The following CAPNS1 variants were observed in gnomAD, a reference collection of about 807,000 sequenced individuals.
CAPNS1 encodes the protein calpain small subunit 1, also known as CANP small subunit.
In CAPNS1, 32 loss-of-function variants were observed where a neutral mutation model predicts 39.2. The observed-to-expected ratio is 0.82, with a 90% CI of 0.62 to 1.10. The LOEUF is 1.10. Among genes scored for constraint, CAPNS1 ranks in the 50% least tolerant of loss-of-function variants. The pLI, the probability that CAPNS1 is intolerant of heterozygous loss-of-function variation, is 0.00. For synonymous variants in CAPNS1, 153 were observed against 136.2 expected, an observed-to-expected ratio of 1.12 and a Z score of -0.86; for missense variants, 353 against 373.1, an observed-to-expected ratio of 0.95 and a Z score of 0.44.
intron 9 of CAPNS1, among the ~76,000 whole-genome samples, chr19:36,148,598 G>A (rs1266215045): frequency 6.6e-6 from 1 of 150,596 alleles, no homozygotes; most frequent in African/African-American, 2.4e-5. Context: ...ATCACCTGAT[G>A]TCAGGAGTTT....
Position 36,141,150 on chromosome 19 carries a change from G to A in CAPNS1, c.139G>A (p.Gly47Ser). 7.2e-7 allele frequency: 1 copy of A among 1,393,862 alleles called. No individual in the cohort carries two copies. The highest frequency in any genetic ancestry group is 9.3e-7 in the Non-Finnish European group (1 of 1,077,462). The allele number at this position is 1,393,862 out of a possible 1,614,324, so 86.3% of individuals were successfully genotyped here. A position where few individuals can be genotyped will look rare whatever the true frequency, so the allele number is the denominator to read the frequency against. Reference sequence around the variant, plus strand: ...CGGCGGCGGCGGCGGCGGCGGCGGCGGCGGTGGTGGAGGCGGCGGTGGCGG... The same window carrying A: ...CGGCGGCGGCGGCGGCGGCGGCGGCAGCGGTGGTGGAGGCGGCGGTGGCGG... Reference protein sequence around the residue: ...GGGGGGGGGGGGGGGGGGGGT... With the variant: ...GGGGGGGGGGSGGGGGGGGGT... The change falls in exon 2 of 11, where the codon GGC becomes AGC. Residue 47 changes from glycine to serine, a missense_variant. Physicochemically the swap from Gly to Ser is moderately conservative, Grantham distance 56. Transcript: ENST00000246533.
chr19:36,150,112 C>T lies in CAPNS1; in HGVS notation c.*273C>T, dbSNP rs1974725792. 5.4e-6 allele frequency: 2 copies of T among 367,740 alleles called. No individual in the cohort carries two copies. The highest frequency in any genetic ancestry group is 8.1e-5 in the East Asian group (2 of 24,598). The allele number at this position is 367,740 out of a possible 1,614,324, so 22.8% of individuals were successfully genotyped here. ...GCCCTGCACACACCCACTCCGTAAC[C>T]TCTCCCCTGTACCTGTGCCAAGCCT... is the stretch of plus-strand genomic sequence containing the variant. On this transcript the variant is annotated 3_prime_UTR_variant, in exon 11 of 11. Coordinates refer to ENST00000246533, the MANE Select transcript of CAPNS1 (RefSeq NM_001749.4).
intron 2 of CAPNS1, chr19:36,141,570 G>T: frequency 8.9e-7 from 1 of 1,127,638 alleles, no homozygotes; most frequent in Non-Finnish European, 1.1e-6. Flanking sequence ...TAAAGGTGCG[G>T]AGCCAATGCG....
At position 36,141,212 on chromosome 19, in the gene CAPNS1, C is replaced by G. The variant is rs942843916; in HGVS notation, c.201C>G (p.Ser67Arg). 2.7e-6 allele frequency: 4 copies of G among 1,499,676 alleles called. No homozygotes were observed. In the African/African-American group the frequency reaches 5.8e-5, roughly 22 times the overall value. The allele number at this position is 1,499,676 out of a possible 1,614,324, so 92.9% of individuals were successfully genotyped here. A position where few individuals can be genotyped will look rare whatever the true frequency, so the allele number is the denominator to read the frequency against. The change falls in exon 2 of 11, where the codon AGC becomes AGG. Residue 67 changes from serine (S) to arginine (R), a missense_variant. By Grantham distance (110) the Ser-to-Arg change is moderately radical (BLOSUM62 -1). Coordinates refer to ENST00000246533, the MANE Select transcript of CAPNS1 (RefSeq NM_001749.4). Reference protein sequence around the residue: ...TAMRILGGVISAISEAAAQYN... With the variant: ...TAMRILGGVIRAISEAAAQYN... ...TGCGCATCCTAGGCGGAGTCATCAG[C>G]GCCATCAGGTAAGGCGGAGACTATC...
At chr19:36,147,547 A>G (rs1207922784) in intron 9 of CAPNS1, among the ~76,000 whole-genome samples, 7 of 152,092 alleles carry the variant, frequency 4.6e-5, no homozygotes, top group African/African-American at 7.2e-5. Context: ...AGGGCGGATC[A>G]CGAGGTCAGG....
chr19:36,146,423 A>T, intron 9 of CAPNS1, 111 bp downstream of exon 9: 1 of 753,832 alleles, frequency 1.3e-6, no homozygotes, highest in Non-Finnish European at 2.4e-6. Flanking sequence ...CACAGTGGTG[A>T]TTGAATCAGT....
At chr19:36,148,176 G>C (rs905275413) in intron 9 of CAPNS1, 1 of 152,170 alleles carries the variant, frequency 6.6e-6, no homozygotes, top group Non-Finnish European at 1.5e-5. Flanking sequence ...GAGATAGCAG[G>C]GAGGTGAAGG....
At chr19:36,142,240 A>C in intron 2 of CAPNS1, 60 bp from the exon 3 acceptor site, 1 of 1,041,332 alleles carries the variant, frequency 9.6e-7, no homozygotes, top group Non-Finnish European at 1.5e-6. Flanking sequence ...ATGGTTCTGT[A>C]GTGCTGCCCG....
At chr19:36,143,191 T>C (rs1974444183) in intron 6 of CAPNS1, 63 bp downstream of exon 6, 1 of 1,439,462 alleles carries the variant, frequency 6.9e-7, no homozygotes, top group East Asian at 2.3e-5. Context: ...AGAGTATGTT[T>C]GGGAAGCCAA....
At chr19:36,140,711 G>A (rs941259065) in intron 1 of CAPNS1, 2 of 375,424 alleles carry the variant, frequency 5.3e-6, no homozygotes, top group East Asian at 5.0e-5. Context: ...ACGCCAACTT[G>A]GGGTCCCCAC....
At chr19:36,142,379 T>A (rs2145923828) in intron 3 of CAPNS1, 46 bp downstream of exon 3, 1 of 1,049,548 alleles carries the variant, frequency 9.5e-7, no homozygotes, top group East Asian at 2.5e-5. Context: ...CCAAGGCCTC[T>A]TCGAGGTCCC....
chr19:36,140,954 G>A, intron 1 of CAPNS1, 43 bp from the exon 2 acceptor site: 2 of 1,590,722 alleles, frequency 1.3e-6, no homozygotes, highest in Non-Finnish European at 1.7e-6. Context: ...GAGGGTGTGG[G>A]CTCAGGGGCG....
At chr19:36,143,280 TAAC>T (rs1599878482) in intron 6 of CAPNS1, 152 bp downstream of exon 6, 5 of 737,050 alleles carry the variant, frequency 6.8e-6, no homozygotes, top group South Asian at 1.6e-5. Flanking sequence ...CGGTAAATCA[TAAC>T]AATGCCAGCT....
chr19:36,149,741 T>C (rs1249512892), intron 10 of CAPNS1, 72 bp from the exon 11 acceptor site: 1 of 1,591,006 alleles, frequency 6.3e-7, no homozygotes, highest in Non-Finnish European at 8.6e-7. Context: ...TTGCCAGCCG[T>C]CCCTGGGTGA....
Position 36,142,318 on chromosome 19 carries a change from C to T in CAPNS1, c.228C>T (p.Tyr76=). The change falls in exon 3 of 11, where the codon TAC becomes TAT. Residue 76 remains tyrosine, a synonymous_variant. Coordinates refer to ENST00000246533, the MANE Select transcript of CAPNS1 (RefSeq NM_001749.4). ...TTCGCAGCGAGGCGGCTGCGCAGTA[C>T]AACCCGGAGCCCCCGGTAAGCCCCC... ...ISAISEAAAQ[Y]NPEPPPPRTH... is the part of the protein sequence containing the mutation. 1 of 1,570,950 alleles carries T rather than the reference C, an allele frequency of 6.4e-7. No individual in the cohort carries two copies. Among genetic ancestry groups the T allele is most frequent in the Non-Finnish European group, 8.7e-7 (1 of 1,153,872 alleles).
intron 10 of CAPNS1, 26 bp from the exon 11 acceptor site, chr19:36,149,787 C>T (rs1412072652): frequency 1.9e-6 from 3 of 1,561,668 alleles, no homozygotes; most frequent in Non-Finnish European, 2.6e-6. Context: ...GTTCCCTGTC[C>T]TCACTCTCCA....
Position 36,146,080 on chromosome 19 carries a change from G to T in CAPNS1, c.604+26G>T. The T allele has an allele frequency of 2.5e-6, 4 of 1,611,098 alleles. No homozygotes were observed. The African/African-American group carries it at 4.0e-5, about 16-fold the overall frequency. On this transcript the variant is annotated intron_variant, in intron 8 of 10. Coordinates refer to ENST00000246533, the MANE Select transcript of CAPNS1 (RefSeq NM_001749.4). ...GTATGGCTGGCAGGGACATGCTGGG[G>T]CTGGGAGTGGGATGGGTGAGAAAAC...
At position 36,142,318 on chromosome 19, in the gene CAPNS1, C is replaced by A; in HGVS notation, c.228C>A (p.Tyr76Ter). 6.4e-7 allele frequency: 1 copy of A among 1,570,948 alleles called. No individual in the cohort carries two copies. Among genetic ancestry groups the A allele is most frequent in the Non-Finnish European group, 8.7e-7 (1 of 1,153,870 alleles). The change falls in exon 3 of 11, where the codon TAC (tyrosine) becomes TAA (stop). Residue 76 changes from tyrosine (Y) to a stop codon, truncating the protein, a stop_gained. Coordinates refer to ENST00000246533, the MANE Select transcript of CAPNS1 (RefSeq NM_001749.4). LOFTEE classifies it high-confidence loss of function. ...ISAISEAAAQ[Y>*]NPEPPPPRTH... The stretch of plus-strand genomic sequence containing the variant: ...TTCGCAGCGAGGCGGCTGCGCAGTA[C>A]AACCCGGAGCCCCCGGTAAGCCCCC...
intron 9 of CAPNS1, among the ~76,000 whole-genome samples, chr19:36,149,291 G>A (rs771834424): frequency 1.3e-5 from 2 of 152,182 alleles, no homozygotes; most frequent in Admixed American, 6.5e-5. Context: ...TCGAACTCCT[G>A]GGCGGCTCAA....
Sources: gnomAD v4.1 joint callset for allele counts (sites outside exome capture counted in the v4.1 genomes callset) on GRCh38, gnomAD v4.1.1 for gene constraint, MANE v1.5 for transcripts, NCBI Gene and HGNC (gene_info 2026-07-23, HGNC 2026-07-21) for gene names.